Variants in SV2B observed in about 807,000 individuals in gnomAD.
The protein encoded by SV2B is synaptic vesicle glycoprotein 2B.
SV2B carries 41 observed loss-of-function variants against 73.9 expected under a neutral mutation model. The observed-to-expected ratio is 0.56, with a 90% CI of 0.43 to 0.72. The LOEUF (loss-of-function observed/expected upper bound fraction) is 0.72, where lower values mean the gene tolerates loss of function less well. SV2B is among the 30% of genes least tolerant of loss of function. SV2B has a pLI of 0.00. For synonymous variants in SV2B, 314 were observed against 314.2 expected, an observed-to-expected ratio of 1.00 and a Z score of 0.01; for missense variants, 764 against 857.8, an observed-to-expected ratio of 0.89 and a Z score of 1.37.
chr15:91,274,510 C>T (rs781484067), intron 9 of SV2B, among the ~76,000 whole-genome samples: 6 of 152,174 alleles, frequency 3.9e-5, no homozygotes, highest in African/African-American at 1.2e-4. Context: ...TATTCAGGTG[C>T]GGTAGTTCTT....
At chr15:91,222,354 CTCAAAGCA>C (rs2046248066) in intron 1 of SV2B, among the ~76,000 whole-genome samples, 1 of 152,154 alleles carries the variant, frequency 6.6e-6, no homozygotes, top group African/African-American at 2.4e-5. Flanking sequence ...GGCACGAAGC[CTCAAAGCA>C]AGTATTCAAT....
chr15:91,099,956 A>T (rs1313009127), upstream of SV2B: 1 of 152,244 alleles, frequency 6.6e-6, no homozygotes, highest in African/African-American at 2.4e-5. Flanking sequence ...TTTAATATTT[A>T]TTGGTCTGCA....
At chr15:91,200,285 T>G (rs2045413517) in intron 1 of SV2B, among the ~76,000 whole-genome samples, 1 of 152,232 alleles carries the variant, frequency 6.6e-6, no homozygotes, top group African/African-American at 2.4e-5. Flanking sequence ...ATGTTATTTC[T>G]CCAGCAAAAT....
At position 91,139,036 on chromosome 15, in the gene SV2B, A is replaced by G. The variant is rs1400880138; in HGVS notation, c.-392+38673A>G. 6.6e-6 allele frequency among the ~76,000 whole-genome samples: 1 copy of G among 152,244 alleles called. No homozygotes were observed. The highest frequency in any genetic ancestry group is 1.9e-4 in the East Asian group (1 of 5,202). On this transcript the variant is annotated intron_variant, in intron 1 of 12. Transcript: ENST00000394232. The surrounding 1 kb of genome is among the most constrained non-coding windows in gnomAD (Gnocchi z 5.2). Reference sequence around the variant, plus strand: ...AGGGAAATGTGAACACTGATTGTATATTTAATGATGTTACAAAATTATCAC... The same window carrying G: ...AGGGAAATGTGAACACTGATTGTATGTTTAATGATGTTACAAAATTATCAC...
Position 91,100,827 on chromosome 15 carries a change from T to C in SV2B, c.-392+464T>C, listed in dbSNP as rs983921033. On this transcript the variant is annotated intron_variant, in intron 1 of 12. Transcript: ENST00000394232. The surrounding 1 kb of genome is among the most constrained non-coding windows in gnomAD (Gnocchi z 6.4). ...GGCTCTTGGGGTTTGTGAGTGTGTATTTCTGTATGTGCAGGGCGCCCTCCG... is the reference window on the plus strand; with the variant it reads ...GGCTCTTGGGGTTTGTGAGTGTGTACTTCTGTATGTGCAGGGCGCCCTCCG... Among the ~76,000 whole-genome samples the C allele has an allele frequency of 2.6e-5, 4 of 152,224 alleles. No individual in the cohort carries two copies. Among genetic ancestry groups the C allele is most frequent in the Non-Finnish European group, 5.9e-5 (4 of 68,046 alleles).
intron 1 of SV2B, among the ~76,000 whole-genome samples, chr15:91,152,460 G>A (rs745786689): frequency 1.3e-5 from 2 of 151,876 alleles, no homozygotes; most frequent in African/African-American, 4.9e-5. Context: ...TTTTCCATAT[G>A]AGGGAACATG....
Position 91,289,502 on chromosome 15 carries a change from C to T in SV2B, c.1709-19C>T, listed in dbSNP as rs1383536745. On this transcript the variant is annotated intron_variant, in intron 11 of 12. Coordinates refer to ENST00000394232, the MANE Select transcript of SV2B (RefSeq NM_001323032.3). The surrounding 1 kb of genome is among the most constrained non-coding windows in gnomAD (Gnocchi z 4.9). ...ACACAGGCCTCATGTTTCTTTTTGCCCTTGAACTCCCTCTGCAGGTGGCTC... is the reference window on the plus strand; with the variant it reads ...ACACAGGCCTCATGTTTCTTTTTGCTCTTGAACTCCCTCTGCAGGTGGCTC... The T allele has an allele frequency of 6.2e-7, 1 of 1,613,896 alleles. No homozygotes were observed. Among genetic ancestry groups the T allele is most frequent in the African/African-American group, 1.3e-5 (1 of 74,926 alleles).
At position 91,232,459 on chromosome 15, in the gene SV2B, T is replaced by C. The variant is rs2046615555; in HGVS notation, c.451+5745T>C. Among the ~76,000 whole-genome samples, 1 of 152,102 alleles carries C rather than the reference T, an allele frequency of 6.6e-6. No individual in the cohort carries two copies. The highest frequency in any genetic ancestry group is 1.5e-5 in the Non-Finnish European group (1 of 68,012). The stretch of plus-strand genomic sequence containing the variant: ...GTTGATTCCACCGGCAATGGAGAGC[T>C]GTTTAATGGGGAGCTATGAAATATG... On this transcript the variant is annotated intron_variant, in intron 2 of 12. Coordinates refer to ENST00000394232, the MANE Select transcript of SV2B (RefSeq NM_001323032.3). This position sits in a 1 kb window ranked among gnomAD's most constrained non-coding sequence, Gnocchi z 4.7.
intron 1 of SV2B, among the ~76,000 whole-genome samples, chr15:91,101,481 G>A (rs570965578): frequency 3.3e-5 from 5 of 152,104 alleles, no homozygotes; most frequent in African/African-American, 1.2e-4. Flanking sequence ...ATGCAGAGAT[G>A]ATGATAACAA....
intron 1 of SV2B, among the ~76,000 whole-genome samples, chr15:91,133,352 T>A (rs923749792): frequency 2.0e-5 from 3 of 151,912 alleles, no homozygotes; most frequent in Non-Finnish European, 2.9e-5. Context: ...GTTTCACTAC[T>A]CTGAGGCAAT....
intron 1 of SV2B, among the ~76,000 whole-genome samples, chr15:91,182,227 G>A (rs2044607546): frequency 6.6e-6 from 1 of 152,118 alleles, no homozygotes; most frequent in South Asian, 2.1e-4. Context: ...AGCAAGAAGT[G>A]CTCTCCTTTT....
Position 91,284,130 on chromosome 15 carries a change from C to G in SV2B, c.1617C>G (p.Tyr539Ter). Reference protein sequence around the residue: ...DLEQDNDFLIYLVSFLGSLSV... With the variant: ...DLEQDNDFLI ...AGCAAGATAATGACTTCCTGATTTACCTCGTCAGCTTCCTGGGCAGCCTGT... is the reference window on the plus strand; with the variant it reads ...AGCAAGATAATGACTTCCTGATTTAGCTCGTCAGCTTCCTGGGCAGCCTGT... Residue 539 changes from tyrosine to a stop codon, truncating the protein, a stop_gained, in exon 11 of 13, where the codon TAC (tyrosine) becomes TAG (stop). Transcript: ENST00000394232. LOFTEE classifies it high-confidence loss of function. The surrounding 1 kb of genome is among the most constrained non-coding windows in gnomAD (Gnocchi z 4.5). The G allele has an allele frequency of 6.2e-7, 1 of 1,614,154 alleles. No homozygotes were observed. Among genetic ancestry groups the G allele is most frequent in the Non-Finnish European group, 8.5e-7 (1 of 1,180,024 alleles).
chr15:91,292,436 G>T lies in SV2B; in HGVS notation c.1936G>T (p.Ala646Ser). The T allele has an allele frequency of 6.2e-7, 1 of 1,614,152 alleles. No individual in the cohort carries two copies. The highest frequency in any genetic ancestry group is 8.5e-7 in the Non-Finnish European group (1 of 1,180,016). The change falls in exon 13 of 13, where the codon GCT becomes TCT. Residue 646 changes from alanine (A) to serine (S), a missense_variant. Ala to Ser is a moderately conservative substitution (Grantham distance 99). Coordinates refer to ENST00000394232, the MANE Select transcript of SV2B (RefSeq NM_001323032.3). ...CGCCATCCTGGGAAACACCATCTTT[G>T]CTTCTTTTGTTGGGATAACCAAAGT... ...FGAILGNTIF[A>S]SFVGITKVVP...
Position 91,281,715 on chromosome 15 carries a change from C to A in SV2B, c.1374-13C>A. The A allele has an allele frequency of 6.3e-7, 1 of 1,584,224 alleles. No homozygotes were observed. Among genetic ancestry groups the A allele is most frequent in the South Asian group, 1.2e-5 (1 of 86,954 alleles). ...CTCAGATGAATCACTCAAGGGTCAA[C>A]CTCTTCCCACAGGTTCACAAGAATG... On this transcript the variant is annotated splice_polypyrimidine_tract_variant and intron_variant, in intron 9 of 12. Transcript: ENST00000394232. This position sits in a 1 kb window ranked among gnomAD's most constrained non-coding sequence, Gnocchi z 4.7.
At position 91,214,934 on chromosome 15, in the gene SV2B, A is replaced by G. The variant is rs1231839984; in HGVS notation, c.-391-10939A>G. On this transcript the variant is annotated intron_variant, in intron 1 of 12. Transcript: ENST00000394232. The surrounding 1 kb of genome is among the most constrained non-coding windows in gnomAD (Gnocchi z 4.7). ...AAACTACAAGAGACGCTGCTCAGTG[A>G]TTCTTGATTCTGTTTACCAGTCGTA... is the stretch of plus-strand genomic sequence containing the variant. Among the ~76,000 whole-genome samples, 3 of 152,166 alleles carry G rather than the reference A, an allele frequency of 2.0e-5. No homozygotes were observed. The highest frequency in any genetic ancestry group is 4.4e-5 in the Non-Finnish European group (3 of 68,032).
At chr15:91,254,234 C>CTTT (rs201841298) in intron 4 of SV2B, among the ~76,000 whole-genome samples, 8 of 127,290 alleles carry the variant, frequency 6.3e-5, no homozygotes, top group African/African-American at 8.9e-5. Flanking sequence ...ATTTTCACTT[C>CTTT]TTTTTTTTTT....
chr15:91,231,595 T>C lies in SV2B; in HGVS notation c.451+4881T>C, dbSNP rs2046576336. ...ACGTAAGGCAAACCAACCCCATCCT[T>C]TTCTGCCTGCATTTGATAAATTGAC... On this transcript the variant is annotated intron_variant, in intron 2 of 12. Transcript: ENST00000394232. This position sits in a 1 kb window ranked among gnomAD's most constrained non-coding sequence, Gnocchi z 4.5. Among the ~76,000 whole-genome samples, 1 of 152,170 alleles carries C rather than the reference T, an allele frequency of 6.6e-6. No homozygotes were observed. Among genetic ancestry groups the C allele is most frequent in the South Asian group, 2.1e-4 (1 of 4,824 alleles).
rs2047042429 is a variant in SV2B at position 91,242,126 on chromosome 15, T to C, written c.452-9693T>C. ...CTAACGGTTAGCCACTCTCTCCTCC[T>C]TGATGCGCTTTCTTTATTGGACATC... On this transcript the variant is annotated intron_variant, in intron 2 of 12. Coordinates refer to ENST00000394232, the MANE Select transcript of SV2B (RefSeq NM_001323032.3). The surrounding 1 kb of genome is among the most constrained non-coding windows in gnomAD (Gnocchi z 4.9). Among the ~76,000 whole-genome samples, 1 of 152,232 alleles carries C rather than the reference T, an allele frequency of 6.6e-6. No homozygotes were observed. Among genetic ancestry groups the C allele is most frequent in the African/African-American group, 2.4e-5 (1 of 41,464 alleles).
intron 9 of SV2B, among the ~76,000 whole-genome samples, chr15:91,271,927 G>A (rs959795139): frequency 1.3e-5 from 2 of 152,110 alleles, no homozygotes; most frequent in African/African-American, 4.8e-5. Flanking sequence ...AGGTTTCGAT[G>A]GAAATTATTT....
Sources: gnomAD v4.1 joint callset for allele counts (sites outside exome capture counted in the v4.1 genomes callset) on GRCh38, gnomAD v4.1.1 for gene constraint, Gnocchi (gnomAD v3.1) non-coding constraint, MANE v1.5 for transcripts, NCBI Gene and HGNC (gene_info 2026-07-23, HGNC 2026-07-21) for gene names.